The following RANBP2 variants were observed in gnomAD, a reference collection of about 807,000 sequenced individuals.
The protein encoded by RANBP2 is E3 SUMO-protein ligase RanBP2.
Under a neutral mutation model 303.6 loss-of-function variants are expected in RANBP2, and 57 were observed. The observed-to-expected ratio is 0.19, with a 90% CI of 0.15 to 0.23. The LOEUF is 0.23. Ranked by LOEUF, RANBP2 falls within the 10% of genes least tolerant of loss-of-function variation. RANBP2 has a pLI of 1.00. For synonymous variants in RANBP2, 1,167 were observed against 1,301.5 expected, an observed-to-expected ratio of 0.90 and a Z score of 2.23; for missense variants, 3,138 against 3,780.8, an observed-to-expected ratio of 0.83 and a Z score of 4.46.
chr2:109,563,656 G>C, the RANBP2 span, among the ~76,000 whole-genome samples: 1 of 152,136 alleles, frequency 6.6e-6, no homozygotes, highest in African/African-American at 2.4e-5. Context: ...GCAAGGAAGG[G>C]TTCAGATTCT....
the RANBP2 span, among the ~76,000 whole-genome samples, chr2:109,491,947 G>T: frequency 6.6e-6 from 1 of 152,188 alleles, no homozygotes; most frequent in Non-Finnish European, 1.5e-5. Flanking sequence ...ATGAGACGGG[G>T]TCTATCTAGA....
intron 8 of RANBP2, among the ~76,000 whole-genome samples, chr2:108,748,471 T>C (rs1675565492): frequency 6.6e-6 from 1 of 151,356 alleles, no homozygotes; most frequent in Non-Finnish European, 1.5e-5. Flanking sequence ...TCCACCCAGC[T>C]TGGCCTCCCA....
the RANBP2 span, chr2:108,910,831 C>G: frequency 6.2e-7 from 1 of 1,614,024 alleles, no homozygotes; most frequent in Non-Finnish European, 8.5e-7. Flanking sequence ...CGCTCTTCCC[C>G]GGGTGGCTGG....
chr2:109,232,641 G>A, the RANBP2 span, among the ~76,000 whole-genome samples: 13 of 152,166 alleles, frequency 8.5e-5, no homozygotes, highest in Admixed American at 8.5e-4. Context: ...TTTCTGGAAA[G>A]GGGTGATTGA....
chr2:108,898,312 G>A, the RANBP2 span, among the ~76,000 whole-genome samples: 1 of 152,118 alleles, frequency 6.6e-6, no homozygotes, highest in Non-Finnish European at 1.5e-5. Context: ...CCCCCGTGGT[G>A]ACCATGTCAG....
chr2:109,205,112 T>A, the RANBP2 span, among the ~76,000 whole-genome samples: 4 of 152,128 alleles, frequency 2.6e-5, no homozygotes, highest in Non-Finnish European at 5.9e-5. Context: ...GAGGCCGAGG[T>A]AGGAGGATGC....
the RANBP2 span, among the ~76,000 whole-genome samples, chr2:109,315,849 C>T: frequency 6.6e-6 from 1 of 152,338 alleles, no homozygotes; most frequent in East Asian, 1.9e-4. Context: ...TCTTACCTGT[C>T]AGGACGTGAT....
chr2:108,883,585 G>A, the RANBP2 span: 1 of 152,282 alleles, frequency 6.6e-6, no homozygotes, highest in African/African-American at 2.4e-5. Context: ...GATTCAGGAT[G>A]TCCAGTTTCA....
chr2:109,439,026 T>C, the RANBP2 span, among the ~76,000 whole-genome samples: 3 of 152,184 alleles, frequency 2.0e-5, no homozygotes, highest in Non-Finnish European at 4.4e-5. Context: ...CTGCCCAGAA[T>C]AGCCAGTATA....
chr2:109,192,399 A>G, the RANBP2 span, among the ~76,000 whole-genome samples: 1 of 152,234 alleles, frequency 6.6e-6, no homozygotes, highest in Non-Finnish European at 1.5e-5. Flanking sequence ...TTTATAGCAT[A>G]TGTTACTCAT....
chr2:109,569,494 T>C, the RANBP2 span, among the ~76,000 whole-genome samples: 4 of 151,920 alleles, frequency 2.6e-5, no homozygotes, highest in East Asian at 7.7e-4. Context: ...TTTTTTATCT[T>C]CTCAAATTTC....
the RANBP2 span, among the ~76,000 whole-genome samples, chr2:109,036,228 C>A: frequency 6.6e-6 from 1 of 152,212 alleles, no homozygotes; most frequent in South Asian, 2.1e-4. Context: ...TATAAGCAAA[C>A]GGCTCACAAA....
At chr2:109,463,206 A>G in the RANBP2 span, among the ~76,000 whole-genome samples, 4 of 152,240 alleles carry the variant, frequency 2.6e-5, no homozygotes, top group Non-Finnish European at 5.9e-5. Context: ...CAGCTCAAGT[A>G]AGAATTTAGT....
chr2:109,335,709 C>T, the RANBP2 span, among the ~76,000 whole-genome samples: 1 of 152,192 alleles, frequency 6.6e-6, no homozygotes, highest in Non-Finnish European at 1.5e-5. Flanking sequence ...GTTTTGTTCA[C>T]TCCCAAACCC....
the RANBP2 span, chr2:108,929,211 G>A: frequency 1.2e-6 from 2 of 1,614,064 alleles, no homozygotes; most frequent in Non-Finnish European, 8.5e-7. Flanking sequence ...GGGAGGCAAG[G>A]GCCACACTCA....
chr2:109,385,319 C>G, the RANBP2 span, among the ~76,000 whole-genome samples: 1 of 151,944 alleles, frequency 6.6e-6, no homozygotes, highest in African/African-American at 2.4e-5. Context: ...TGATTGTTAA[C>G]TTAATTGTAG....
the RANBP2 span, among the ~76,000 whole-genome samples, chr2:108,855,029 C>T: frequency 2.6e-5 from 4 of 152,028 alleles, no homozygotes; most frequent in African/African-American, 9.6e-5. Context: ...CATTTGATTG[C>T]CAGGACATTG....
chr2:109,037,971 G>A, the RANBP2 span, among the ~76,000 whole-genome samples: 1 of 152,122 alleles, frequency 6.6e-6, no homozygotes, highest in African/African-American at 2.4e-5. Context: ...TACATGGAAA[G>A]GCACAAGTCC....
the RANBP2 span, among the ~76,000 whole-genome samples, chr2:108,968,845 C>G: frequency 2.0e-5 from 3 of 152,234 alleles, no homozygotes; most frequent in African/African-American, 7.2e-5. Context: ...CTGAGCTTCA[C>G]TCTGCTATGC....
Sources: allele counts gnomAD v4.1 joint callset (sites outside exome capture counted in the v4.1 genomes callset), GRCh38; gene constraint gnomAD v4.1.1; transcripts MANE v1.5; gene names NCBI Gene and HGNC (gene_info 2026-07-23, HGNC 2026-07-21).